The following KLHL25 variants were observed in gnomAD, a reference collection of about 807,000 sequenced individuals.
The protein encoded by KLHL25 is kelch-like protein 25.
Under a neutral mutation model 30.0 loss-of-function variants are expected in KLHL25, and 41 were observed. That is an observed-to-expected ratio of 1.37 (90% CI 1.07 to 1.78). The LOEUF is 1.78. Ranked by LOEUF, KLHL25 falls within the 40% of genes most tolerant of loss-of-function variation. KLHL25 has a pLI of 0.00. For missense variants in KLHL25, 971 were observed against 824.5 expected, an observed-to-expected ratio of 1.18 and a Z score of -2.18; for synonymous variants, 399 against 355.3, an observed-to-expected ratio of 1.12 and a Z score of -1.38.
chr15:85,772,156 G>C (rs946268784), intron 1 of KLHL25, among the ~76,000 whole-genome samples: 1 of 151,952 alleles, frequency 6.6e-6, no homozygotes, highest in Admixed American at 6.6e-5. Context: ...ATTTTAAGAG[G>C]CATTTGTTGC....
intron 2 of KLHL25, among the ~76,000 whole-genome samples, chr15:85,766,988 G>A (rs1207603497): frequency 7.0e-6 from 1 of 143,224 alleles, no homozygotes; most frequent in Admixed American, 7.3e-5. Flanking sequence ...TGCCTGGTTG[G>A]CGATCATTTT....
At chr15:85,784,326 C>A (rs913928691) in intron 1 of KLHL25, among the ~76,000 whole-genome samples, 1 of 152,052 alleles carries the variant, frequency 6.6e-6, no homozygotes, top group South Asian at 2.1e-4. Flanking sequence ...GTCAGGAGTT[C>A]GAGACCAGCC....
At chr15:85,783,651 C>G (rs1473999458) in intron 1 of KLHL25, among the ~76,000 whole-genome samples, 1 of 149,752 alleles carries the variant, frequency 6.7e-6, no homozygotes, top group African/African-American at 2.5e-5. Context: ...GAGATCGCAC[C>G]ACTGCACTCC....
chr15:85,770,255 G>A (rs554753540), intron 1 of KLHL25, among the ~76,000 whole-genome samples: 1 of 152,200 alleles, frequency 6.6e-6, no homozygotes. Context: ...TCCCATTTTA[G>A]AGCTAGGGAA....
Position 85,768,851 on chromosome 15 carries a change from G to C in KLHL25, c.960C>G (p.Ile320Met). Residue 320 changes from isoleucine to methionine, a missense_variant, in exon 2 of 3, where the codon ATC becomes ATG. Physicochemically the swap from Ile to Met is conservative, Grantham distance 10 (BLOSUM62 1). Transcript: ENST00000337975. ...IYQVDHKAKE[I>M]IPKADLPSPR... ...GGCTGGGCAGGTCGGCCTTGGGGAT[G>C]ATCTCCTTGGCCTTGTGGTCCACCT... The C allele has an allele frequency of 6.2e-7, 1 of 1,613,388 alleles. No individual in the cohort carries two copies. Among genetic ancestry groups the C allele is most frequent in the Non-Finnish European group, 8.5e-7 (1 of 1,180,046 alleles).
At chr15:85,783,995 C>G (rs1327711808) in intron 1 of KLHL25, among the ~76,000 whole-genome samples, 1 of 152,208 alleles carries the variant, frequency 6.6e-6, no homozygotes, top group Non-Finnish European at 1.5e-5. Context: ...AGAGAATACA[C>G]GTAAAGAGTG....
At chr15:85,786,312 G>C (rs1056779239) in intron 1 of KLHL25, among the ~76,000 whole-genome samples, 1 of 152,164 alleles carries the variant, frequency 6.6e-6, no homozygotes, top group East Asian at 1.9e-4. Context: ...AGGGCAGCAG[G>C]GGAGTCATGG....
chr15:85,791,204 AAAAG>A (rs1196073893), intron 1 of KLHL25, among the ~76,000 whole-genome samples: 1 of 150,974 alleles, frequency 6.6e-6, no homozygotes, highest in Non-Finnish European at 1.5e-5. Context: ...CAAAAAAAAA[AAAAG>A]AAAAATGCCA....
intron 1 of KLHL25, among the ~76,000 whole-genome samples, chr15:85,780,308 T>TC (rs1449976637): frequency 6.6e-6 from 1 of 152,200 alleles, no homozygotes; most frequent in Non-Finnish European, 1.5e-5. Flanking sequence ...GTAACTCGTT[T>TC]CCTTCCACTT....
At chr15:85,785,608 T>C (rs2089776051) in intron 1 of KLHL25, among the ~76,000 whole-genome samples, 1 of 151,078 alleles carries the variant, frequency 6.6e-6, no homozygotes, top group Non-Finnish European at 1.5e-5. Context: ...GCACAGGAAG[T>C]GGTTCAGACA....
rs528641755 is a variant in KLHL25, at chr15:85,775,391, A to G, written c.-10-5571T>C. Reference sequence around the variant, plus strand: ...CCCTTATGCAGTGAACAACCTGCACAGTGATTCACGGCCACCCTGCAGGAG... The same window carrying G: ...CCCTTATGCAGTGAACAACCTGCACGGTGATTCACGGCCACCCTGCAGGAG... On this transcript the variant is annotated intron_variant, in intron 1 of 2. Transcript: ENST00000337975. 1.7e-4 allele frequency among the ~76,000 whole-genome samples: 26 copies of G among 152,286 alleles called. 2 individuals carry two copies. In the South Asian group the frequency reaches 3.7e-3, roughly 22 times the overall value.
chr15:85,766,390 T>C (rs2089625946), intron 2 of KLHL25, among the ~76,000 whole-genome samples: 1 of 152,166 alleles, frequency 6.6e-6, no homozygotes, highest in Admixed American at 6.5e-5. Context: ...CACCCTGGCC[T>C]TTCCCAGGCC....
At position 85,769,616 on chromosome 15, in the gene KLHL25, G is replaced by A. The variant is rs373871071; in HGVS notation, c.195C>T (p.Ala65=). 3.9e-5 allele frequency: 63 copies of A among 1,613,144 alleles called. No individual in the cohort carries two copies. The highest frequency in any genetic ancestry group is 6.7e-5 in the African/African-American group (5 of 74,940). Residue 65 remains alanine, a synonymous_variant, in exon 2 of 3, where the codon GCC becomes GCT. Coordinates refer to ENST00000337975, the MANE Select transcript of KLHL25 (RefSeq NM_022480.4). Reference sequence around the variant, plus strand: ...TGGCCTCAAAATAGCGGCTAGAGGCGGCCAGCACGGCACGGTGACAGGGGA... The same window carrying A: ...TGGCCTCAAAATAGCGGCTAGAGGCAGCCAGCACGGCACGGTGACAGGGGA... ...RAFPCHRAVL[A]ASSRYFEAMF...
intron 1 of KLHL25, among the ~76,000 whole-genome samples, chr15:85,781,327 G>C (rs1051790487): frequency 6.6e-6 from 1 of 152,198 alleles, no homozygotes; most frequent in Non-Finnish European, 1.5e-5. Context: ...GAAAACATCG[G>C]TTCACTGAGT....
intron 1 of KLHL25, chr15:85,770,530 A>G (rs368691339): frequency 6.6e-5 from 35 of 534,324 alleles, no homozygotes; most frequent in African/African-American, 6.5e-4. Context: ...CAGTGGAGAC[A>G]TGTTCTCTGA....
intron 1 of KLHL25, among the ~76,000 whole-genome samples, chr15:85,794,426 T>A (rs748417213): frequency 3.5e-4 from 54 of 152,168 alleles, no homozygotes; most frequent in East Asian, 1.5e-3. Flanking sequence ...AGTAATTTTT[T>A]AAAAAAAAGA....
intron 2 of KLHL25, among the ~76,000 whole-genome samples, chr15:85,766,929 T>C (rs970128408): frequency 2.0e-5 from 3 of 152,010 alleles, no homozygotes; most frequent in African/African-American, 7.3e-5. Context: ...CTTTGGTGTT[T>C]ACAGTTAACA....
intron 1 of KLHL25, among the ~76,000 whole-genome samples, chr15:85,788,634 G>C (rs190711141): frequency 1.8e-4 from 28 of 152,210 alleles, no homozygotes; most frequent in African/African-American, 6.7e-4. Context: ...AGACCCTAGC[G>C]CTGTGCCATA....
intron 2 of KLHL25, among the ~76,000 whole-genome samples, chr15:85,765,754 C>T (rs1211556773): frequency 6.7e-6 from 1 of 149,948 alleles, no homozygotes; most frequent in Non-Finnish European, 1.5e-5. Flanking sequence ...ATTCCTTGAA[C>T]CTGGGAGGTG....
Sources: allele counts gnomAD v4.1 joint callset (sites outside exome capture counted in the v4.1 genomes callset), GRCh38; gene constraint gnomAD v4.1.1; transcripts MANE v1.5; gene names NCBI Gene and HGNC (gene_info 2026-07-23, HGNC 2026-07-21).